GORAB: variants seen among roughly 807,000 people sequenced by gnomAD.
GORAB encodes the protein RAB6-interacting golgin.
Under a neutral mutation model 29.9 loss-of-function variants are expected in GORAB, and 17 were observed. The ratio of observed to expected loss-of-function variants is 0.57; its 90% confidence interval spans 0.39 to 0.85. The LOEUF (loss-of-function observed/expected upper bound fraction) is 0.85. GORAB is among the 40% of genes least tolerant of loss of function. GORAB has a pLI of 0.00. For synonymous variants in GORAB, 183 were observed against 157.2 expected, an observed-to-expected ratio of 1.16 and a Z score of -1.23; for missense variants, 442 against 437.8, an observed-to-expected ratio of 1.01 and a Z score of -0.09.
chr1:170,543,298 A>G (rs1352998744), intron 3 of GORAB, among the ~76,000 whole-genome samples: 2 of 152,210 alleles, frequency 1.3e-5, no homozygotes, highest in Non-Finnish European at 2.9e-5. Flanking sequence ...GCCTTAGGAA[A>G]CTAAACTTAG....
chr1:170,543,623 G>T (rs958478638), intron 3 of GORAB, among the ~76,000 whole-genome samples: 1 of 143,062 alleles, frequency 7.0e-6, no homozygotes, highest in African/African-American at 2.5e-5. Flanking sequence ...TAAAAGAGTA[G>T]TGCCCTCTTT....
intron 1 of GORAB, chr1:170,532,547 A>G: frequency 2.2e-6 from 1 of 459,698 alleles, no homozygotes; most frequent in Non-Finnish European, 4.0e-6. Flanking sequence ...TGTGAAAGGA[A>G]TGGGACTTGG....
At chr1:170,534,953 A>G (rs141315345) in intron 1 of GORAB, among the ~76,000 whole-genome samples, 5 of 152,312 alleles carry the variant, frequency 3.3e-5, no homozygotes, top group Non-Finnish European at 5.9e-5. Flanking sequence ...TAAAGTAACA[A>G]ATAGCCCTAA....
chr1:170,550,017 TATC>T (rs923405387), intron 4 of GORAB, among the ~76,000 whole-genome samples: 2 of 152,176 alleles, frequency 1.3e-5, no homozygotes, highest in African/African-American at 2.4e-5. Flanking sequence ...GAGGTATTAT[TATC>T]ATCATTGTTT....
intron 1 of GORAB, chr1:170,539,009 T>C (rs1649223102): frequency 1.6e-6 from 1 of 627,182 alleles, no homozygotes; most frequent in Admixed American, 2.9e-5. Flanking sequence ...CAGTTTCTGT[T>C]AAATATTAAC....
At chr1:170,541,041 A>G (rs978964194) in intron 2 of GORAB, among the ~76,000 whole-genome samples, 4 of 152,036 alleles carry the variant, frequency 2.6e-5, no homozygotes, top group Admixed American at 6.6e-5. Flanking sequence ...GTCTCTACCA[A>G]AAATACAAAA....
chr1:170,551,935 A>T, intron 4 of GORAB, 80 bp from the exon 5 acceptor site: 1 of 1,230,454 alleles, frequency 8.1e-7, no homozygotes. Context: ...TTTGGAGTTG[A>T]GTTATTGTTT....
intron 1 of GORAB, among the ~76,000 whole-genome samples, chr1:170,534,849 G>A (rs191386820): frequency 1.3e-5 from 2 of 152,306 alleles, no homozygotes; most frequent in East Asian, 3.9e-4. Flanking sequence ...AGTGACGTAT[G>A]ATTGTATATA....
At chr1:170,541,970 CAAAA>C (rs146681471) in intron 2 of GORAB, among the ~76,000 whole-genome samples, 1 of 149,398 alleles carries the variant, frequency 6.7e-6, no homozygotes, top group African/African-American at 2.5e-5. Flanking sequence ...AAAAGAAAGA[CAAAA>C]AAAAGTCTTA....
chr1:170,552,804 A>G lies in GORAB; in HGVS notation c.*342A>G, dbSNP rs1558013388. Reference sequence around the variant, plus strand: ...AAAGTAAAATGGAAAATGATACTCAATACCTAGTTAAACTCATTTCACTTC... The same window carrying G: ...AAAGTAAAATGGAAAATGATACTCAGTACCTAGTTAAACTCATTTCACTTC... On this transcript the variant is annotated 3_prime_UTR_variant, in exon 5 of 5. Transcript: ENST00000367763. The G allele has an allele frequency of 6.5e-6, 3 of 458,118 alleles. No individual in the cohort carries two copies. The highest frequency in any genetic ancestry group is 3.1e-5 in the South Asian group (2 of 64,468). 28.4% of individuals were successfully genotyped at this position (458,118 alleles called of 1,614,324 possible).
At chr1:170,543,429 G>A (rs1335418603) in intron 3 of GORAB, among the ~76,000 whole-genome samples, 1 of 150,112 alleles carries the variant, frequency 6.7e-6, no homozygotes, top group Non-Finnish European at 1.5e-5. Context: ...TGTAGGGGCA[G>A]GAGAAGAGGG....
At chr1:170,545,266 G>A (rs1649686561) in intron 4 of GORAB, 1 of 986,902 alleles carries the variant, frequency 1.0e-6, no homozygotes, top group Non-Finnish European at 1.2e-6. Flanking sequence ...TAGGATTGAA[G>A]TCTAGTCCTC....
intron 1 of GORAB, among the ~76,000 whole-genome samples, chr1:170,535,007 A>G (rs1413942369): frequency 6.6e-6 from 1 of 152,166 alleles, no homozygotes; most frequent in Non-Finnish European, 1.5e-5. Context: ...CACTCGTTTC[A>G]TGTTTAATGT....
At chr1:170,544,496 TGTTA>T (rs1649632878) in intron 3 of GORAB, 4 of 450,068 alleles carry the variant, frequency 8.9e-6, no homozygotes, top group African/African-American at 7.9e-5. Flanking sequence ...TAGACTTATT[TGTTA>T]CTTTATGAAA....
chr1:170,543,084 G>A (rs768602828), intron 3 of GORAB, among the ~76,000 whole-genome samples: 1 of 152,148 alleles, frequency 6.6e-6, no homozygotes, highest in African/African-American at 2.4e-5. Flanking sequence ...ACATGATATA[G>A]TTTAACTTTT....
chr1:170,551,978 A>G (rs1336014108), intron 4 of GORAB, 37 bp from the exon 5 acceptor site: 1 of 1,567,852 alleles, frequency 6.4e-7, no homozygotes, highest in Non-Finnish European at 8.8e-7. Context: ...TCTTCAATGG[A>G]AAACTGATGG....
At chr1:170,534,516 A>G (rs1289588535) in intron 1 of GORAB, among the ~76,000 whole-genome samples, 4 of 152,110 alleles carry the variant, frequency 2.6e-5, no homozygotes, top group African/African-American at 7.2e-5. Context: ...TGTATATATA[A>G]TATATACAGT....
At chr1:170,537,483 T>G (rs115497590) in intron 1 of GORAB, among the ~76,000 whole-genome samples, 188 of 152,294 alleles carry the variant, frequency 1.2e-3, no homozygotes, top group Admixed American at 2.4e-3. Context: ...TAATGAAAAA[T>G]AAACCTTTGT....
intron 4 of GORAB, 120 bp downstream of exon 4, chr1:170,544,965 T>G (rs1649666464): frequency 6.8e-7 from 1 of 1,469,632 alleles, no homozygotes; most frequent in Non-Finnish European, 9.0e-7. Context: ...CATTCAGTGC[T>G]GTATTTATTC....
Sources: allele counts gnomAD v4.1 joint callset (sites outside exome capture counted in the v4.1 genomes callset), GRCh38; gene constraint gnomAD v4.1.1; transcripts MANE v1.5; gene names NCBI Gene and HGNC (gene_info 2026-07-23, HGNC 2026-07-21).